ARHGAP42: variants seen among roughly 807,000 people sequenced by gnomAD.
ARHGAP42 encodes rho GTPase-activating protein 42.
A neutral mutation model predicts 125.0 loss-of-function variants in ARHGAP42; 63 were observed. The observed-to-expected ratio is 0.50, with a 90% confidence interval of 0.41 to 0.62. The LOEUF is 0.62. ARHGAP42 is among the 20% of genes least tolerant of loss of function. The pLI, the probability that ARHGAP42 is intolerant of heterozygous loss-of-function variation, is 0.00. For missense variants in ARHGAP42, 766 were observed against 1,024.2 expected, an observed-to-expected ratio of 0.75 and a Z score of 3.44; for synonymous variants, 339 against 351.0, an observed-to-expected ratio of 0.97 and a Z score of 0.38.
At chr11:100,764,235 G>A (rs1862779152) in intron 1 of ARHGAP42, among the ~76,000 whole-genome samples, 2 of 151,914 alleles carry the variant, frequency 1.3e-5, no homozygotes. Context: ...TGTTGCCCAG[G>A]TTCAATTTCA....
intron 1 of ARHGAP42, among the ~76,000 whole-genome samples, chr11:100,732,977 CT>C (rs1386063381): frequency 1.3e-5 from 2 of 152,216 alleles, no homozygotes; most frequent in African/African-American, 4.8e-5. Flanking sequence ...GTCAGATTAA[CT>C]TGTTAACACA....
intron 3 of ARHGAP42, among the ~76,000 whole-genome samples, chr11:100,815,108 A>G (rs760692970): frequency 1.5e-4 from 23 of 152,174 alleles, no homozygotes; most frequent in Non-Finnish European, 2.9e-4. Flanking sequence ...TTTGTGTTTT[A>G]GTTTGTCTCC....
chr11:100,962,349 C>T (rs374733329), intron 15 of ARHGAP42, 60 bp from the exon 16 acceptor site: 29 of 1,329,934 alleles, frequency 2.2e-5, no homozygotes, highest in African/African-American at 2.9e-5. Context: ...AAACACTTAA[C>T]GTTTAGGGGA....
At chr11:100,690,968 C>T (rs985997162) in intron 1 of ARHGAP42, among the ~76,000 whole-genome samples, 2 of 152,160 alleles carry the variant, frequency 1.3e-5, no homozygotes, top group East Asian at 1.9e-4. Context: ...TTAAGTGTAT[C>T]GACCTAGACT....
intron 10 of ARHGAP42, 37 bp downstream of exon 10, chr11:100,943,905 G>A (rs1361227030): frequency 7.7e-7 from 1 of 1,302,354 alleles, no homozygotes; most frequent in African/African-American, 1.5e-5. Flanking sequence ...TTTTTCATAA[G>A]CTAAACGGTG....
chr11:100,887,774 C>T lies in ARHGAP42; in HGVS notation c.385-25678C>T, dbSNP rs1321796616. On this transcript the variant is annotated intron_variant, in intron 4 of 23. Coordinates refer to ENST00000298815, the MANE Select transcript of ARHGAP42 (RefSeq NM_152432.4). ...GCAGAAAGCTGCCTTCCCAAGGGCACATCCCTCCTGAGGCAGGCCATAATT... is the reference window on the plus strand; with the variant it reads ...GCAGAAAGCTGCCTTCCCAAGGGCATATCCCTCCTGAGGCAGGCCATAATT... Among the ~76,000 whole-genome samples the T allele has an allele frequency of 5.9e-5, 9 of 152,298 alleles. No individual in the cohort carries two copies. The South Asian group carries it at 1.0e-3, about 18-fold the overall frequency.
At chr11:100,801,116 G>T (rs1863840539) in intron 3 of ARHGAP42, among the ~76,000 whole-genome samples, 1 of 152,148 alleles carries the variant, frequency 6.6e-6, no homozygotes, top group Non-Finnish European at 1.5e-5. Flanking sequence ...TACTCAAAAA[G>T]TTTTGGATTT....
chr11:100,695,558 G>A lies in ARHGAP42; in HGVS notation c.154+7726G>A, dbSNP rs184196813. On this transcript the variant is annotated intron_variant, in intron 1 of 23. Coordinates refer to ENST00000298815, the MANE Select transcript of ARHGAP42 (RefSeq NM_152432.4). ...GACCTCAGGCAATCTACCCTCCTCG[G>A]CCTCCCAAAGTGCTGTGATTACAGG... Among the ~76,000 whole-genome samples, 1,178 of 152,230 alleles carry A rather than the reference G, an allele frequency of 7.7e-3. 7 individuals carry two copies. The highest frequency in any genetic ancestry group is 0.014 in the Middle Eastern group (4 of 294).
intron 1 of ARHGAP42, among the ~76,000 whole-genome samples, chr11:100,730,102 G>A (rs982856870): frequency 3.9e-5 from 6 of 152,092 alleles, no homozygotes; most frequent in African/African-American, 1.4e-4. Context: ...GAGCCACTGT[G>A]CCTGGCCTAA....
intron 4 of ARHGAP42, among the ~76,000 whole-genome samples, chr11:100,879,458 T>C (rs1865905477): frequency 6.6e-6 from 1 of 152,220 alleles, no homozygotes; most frequent in Non-Finnish European, 1.5e-5. Context: ...GTAAAACCCT[T>C]CAGGGAAGGA....
At chr11:100,954,159 T>C (rs1857739728) in intron 12 of ARHGAP42, among the ~76,000 whole-genome samples, 3 of 152,126 alleles carry the variant, frequency 2.0e-5, no homozygotes, top group Non-Finnish European at 2.9e-5. Flanking sequence ...CATTCAAATA[T>C]GAGTTTTGTG....
At chr11:100,960,839 A>G (rs960574717) in intron 13 of ARHGAP42, 76 bp from the exon 14 acceptor site, 4 of 925,204 alleles carry the variant, frequency 4.3e-6, no homozygotes, top group Admixed American at 3.3e-5. Context: ...TGTTAGGCAT[A>G]TGTCTGAGTT....
In ARHGAP42 at chr11:100,792,476, G is replaced by A. The variant is rs73575573; in HGVS notation, c.251-2629G>A. The stretch of plus-strand genomic sequence containing the variant: ...CATTTCTTGTAATTTTTTCAAGACC[G>A]TGATTGTCCTGCTATTTTTAGAATT... On this transcript the variant is annotated intron_variant, in intron 2 of 23. Coordinates refer to ENST00000298815, the MANE Select transcript of ARHGAP42 (RefSeq NM_152432.4). Among the ~76,000 whole-genome samples the A allele has an allele frequency of 5.7e-3, 861 of 152,174 alleles. 8 individuals are homozygous for A. Among genetic ancestry groups the A allele is most frequent in the Middle Eastern group, 0.02 (6 of 294 alleles).
intron 4 of ARHGAP42, among the ~76,000 whole-genome samples, chr11:100,909,308 G>A (rs1241724084): frequency 4.1e-5 from 6 of 145,952 alleles, no homozygotes; most frequent in Admixed American, 4.1e-4. Context: ...ATAGGCCAGA[G>A]TTTTTCCTAG....
intron 6 of ARHGAP42, among the ~76,000 whole-genome samples, chr11:100,924,995 C>T (rs1339806799): frequency 6.6e-6 from 1 of 151,862 alleles, no homozygotes; most frequent in Non-Finnish European, 1.5e-5. Flanking sequence ...CCACACCTGG[C>T]TAATTTTTAT....
intron 2 of ARHGAP42, among the ~76,000 whole-genome samples, chr11:100,790,030 G>A (rs530294767): frequency 1.3e-5 from 2 of 152,228 alleles, no homozygotes; most frequent in South Asian, 4.1e-4. Flanking sequence ...ACATTTGATG[G>A]TATATTACCT....
intron 4 of ARHGAP42, among the ~76,000 whole-genome samples, chr11:100,891,353 G>A (rs1403529409): frequency 5.3e-5 from 8 of 151,064 alleles, no homozygotes; most frequent in East Asian, 1.9e-4. Flanking sequence ...TTTATTACCC[G>A]TCTGCATGCC....
At chr11:100,831,396 C>T (rs996346776) in intron 3 of ARHGAP42, among the ~76,000 whole-genome samples, 27 of 152,108 alleles carry the variant, frequency 1.8e-4, no homozygotes, top group African/African-American at 3.6e-4. Context: ...AAGAAAAACA[C>T]GGAACTGACT....
At position 100,992,545 on chromosome 11, in the gene ARHGAP42, G is replaced by A; in HGVS notation, c.*3744G>A. 6.2e-7 allele frequency: 1 copy of A among 1,614,094 alleles called. No individual in the cohort carries two copies. Among genetic ancestry groups the A allele is most frequent in the Non-Finnish European group, 8.5e-7 (1 of 1,179,982 alleles). On this transcript the variant is annotated 3_prime_UTR_variant, in exon 24 of 24. Coordinates refer to ENST00000298815, the MANE Select transcript of ARHGAP42 (RefSeq NM_152432.4). ...ACATTCTGTGTCCTGCCTGTCTCCT[G>A]TTGATTCGCAGATGTAATATCGAGT...
Sources: gnomAD v4.1 joint callset for allele counts (sites outside exome capture counted in the v4.1 genomes callset) on GRCh38, gnomAD v4.1.1 for gene constraint, MANE v1.5 for transcripts, NCBI Gene and HGNC (gene_info 2026-07-23, HGNC 2026-07-21) for gene names.